The following COX10 variants were observed in gnomAD, a reference collection of about 807,000 sequenced individuals.
COX10 encodes the protein cytochrome c oxidase assembly factor heme A:farnesyltransferase COX10, also known as protoheme IX farnesyltransferase, mitochondrial.
In COX10, 27 loss-of-function variants were observed where a neutral mutation model predicts 37.3. That is an observed-to-expected ratio of 0.72 (90% CI 0.53 to 1.00). The LOEUF (loss-of-function observed/expected upper bound fraction) is 1.00, where lower values mean the gene tolerates loss of function less well. Among genes scored for constraint, COX10 ranks in the 50% least tolerant of loss-of-function variants. COX10 has a pLI of 0.00. For missense variants in COX10, 475 were observed against 563.2 expected, an observed-to-expected ratio of 0.84 and a Z score of 1.59; for synonymous variants, 222 against 229.1, an observed-to-expected ratio of 0.97 and a Z score of 0.28.
At chr17:14,148,054 T>A (rs529721885) in intron 4 of COX10, among the ~76,000 whole-genome samples, 3 of 151,892 alleles carry the variant, frequency 2.0e-5, no homozygotes, top group Non-Finnish European at 4.4e-5. Context: ...TAGGATGTGG[T>A]ACTTTGCCTC....
At chr17:14,153,341 G>A (rs185456553) in intron 4 of COX10, among the ~76,000 whole-genome samples, 26 of 152,252 alleles carry the variant, frequency 1.7e-4, no homozygotes, top group Non-Finnish European at 3.1e-4. Flanking sequence ...CAAGCTCCTT[G>A]ATATTGCATA....
At chr17:14,098,727 A>G (rs151089845) in intron 3 of COX10, among the ~76,000 whole-genome samples, 2 of 152,290 alleles carry the variant, frequency 1.3e-5, no homozygotes, top group African/African-American at 4.8e-5. Context: ...TACTGTTTTC[A>G]GAGTCAGTAA....
intron 3 of COX10, among the ~76,000 whole-genome samples, chr17:14,083,915 G>A (rs963934190): frequency 3.9e-5 from 6 of 152,118 alleles, no homozygotes; most frequent in African/African-American, 1.2e-4. Context: ...TTTTTCCTGA[G>A]TAACATCTGT....
In COX10 at chr17:14,078,527, C is replaced by T. The variant is rs142850845; in HGVS notation, c.499+1471C>T. Among the ~76,000 whole-genome samples the T allele has an allele frequency of 2.0e-5, 3 of 152,288 alleles. No homozygotes were observed. In the East Asian group the frequency reaches 5.8e-4, roughly 30 times the overall value. ...CTCCCCTTCATCTTGAGTCTAATTT[C>T]TGTCACCAGCAGAATCTTTTGTAAG... On this transcript the variant is annotated intron_variant, in intron 3 of 6. Coordinates refer to ENST00000261643, the MANE Select transcript of COX10 (RefSeq NM_001303.4).
At chr17:14,191,967 A>G (rs1906214069) in intron 5 of COX10, 22 bp from the exon 6 acceptor site, 3 of 1,612,408 alleles carry the variant, frequency 1.9e-6, no homozygotes, top group African/African-American at 1.3e-5. Context: ...TGATCACTCC[A>G]GGTTCTCTGC....
chr17:14,124,044 G>A (rs1916283033), intron 4 of COX10, among the ~76,000 whole-genome samples: 1 of 152,078 alleles, frequency 6.6e-6, no homozygotes, highest in South Asian at 2.1e-4. Flanking sequence ...TTGATTGCAT[G>A]GTGGTTAGTT....
At chr17:14,086,971 C>G (rs1039378033) in intron 3 of COX10, among the ~76,000 whole-genome samples, 1 of 152,186 alleles carries the variant, frequency 6.6e-6, no homozygotes, top group Admixed American at 6.5e-5. Flanking sequence ...TATTACATCT[C>G]ATGACTTTTA....
At chr17:14,124,464 T>C (rs1452070640) in intron 4 of COX10, among the ~76,000 whole-genome samples, 1 of 152,182 alleles carries the variant, frequency 6.6e-6, no homozygotes, top group Non-Finnish European at 1.5e-5. Flanking sequence ...TAGGTTATTT[T>C]TTCTTACTCT....
rs77696522 is a variant in COX10, at chr17:14,087,685, GT to G, written c.499+10645del. On this transcript the variant is annotated intron_variant, in intron 3 of 6. Transcript: ENST00000261643. ...AACGAGGGAACTTTTTCTCCGAAAGGTTTTTTTTTTTTTTTTAAACCATGTC... is the reference window on the plus strand; with the variant it reads ...AACGAGGGAACTTTTTCTCCGAAAGGTTTTTTTTTTTTTTTAAACCATGTC... Among the ~76,000 whole-genome samples, 646 of 140,626 alleles carry G rather than the reference GT, an allele frequency of 4.6e-3. 1 individual carries two copies. Among genetic ancestry groups the G allele is most frequent in the Non-Finnish European group, 4.4e-3 (280 of 63,856 alleles). The allele number at this position is 140,626 out of a possible 152,430, so 92.3% of individuals were successfully genotyped here.
In COX10 at chr17:14,137,869, TAGGTCATTA is replaced by T. The variant is rs199705231; in HGVS notation, c.625-22007_625-21999del. On this transcript the variant is annotated intron_variant, in intron 4 of 6. Transcript: ENST00000261643. ...TCCTGGTTTTTCTTTCCATGCAGAT[TAGGTCATTA>T]TTCAGATAGAGTTTTGTGATTCTGT... 9.8e-4 allele frequency among the ~76,000 whole-genome samples: 149 copies of T among 152,106 alleles called. No homozygotes were observed. The East Asian group carries it at 0.026, about 26-fold the overall frequency.
intron 4 of COX10, among the ~76,000 whole-genome samples, chr17:14,107,814 A>G (rs149173522): frequency 6.6e-6 from 1 of 152,214 alleles, no homozygotes; most frequent in East Asian, 1.9e-4. Flanking sequence ...TTGTCTCCTC[A>G]TTACTATGGT....
At chr17:14,199,893 C>A (rs1395666766) in intron 6 of COX10, among the ~76,000 whole-genome samples, 1 of 152,128 alleles carries the variant, frequency 6.6e-6, no homozygotes, top group East Asian at 1.9e-4. Context: ...CCCAGCTAGC[C>A]CCCAGTCTAC....
intron 4 of COX10, among the ~76,000 whole-genome samples, chr17:14,107,644 C>T (rs1212558086): frequency 1.3e-5 from 2 of 151,406 alleles, no homozygotes; most frequent in South Asian, 2.1e-4. Flanking sequence ...ACATCTTGCT[C>T]TACTGTCAGC....
intron 3 of COX10, among the ~76,000 whole-genome samples, chr17:14,088,364 T>C (rs981217482): frequency 5.3e-5 from 8 of 152,142 alleles, no homozygotes; most frequent in African/African-American, 1.9e-4. Flanking sequence ...CAATTTTCAT[T>C]TTTATTCCAT....
At chr17:14,102,030 T>A (rs1412885198) in intron 3 of COX10, 88 bp from the exon 4 acceptor site, 1 of 1,524,660 alleles carries the variant, frequency 6.6e-7, no homozygotes. Flanking sequence ...TTAGTTTATA[T>A]GAAGGATGGC....
rs116481325 is a variant in COX10 at position 14,078,058 on chromosome 17, G to A, written c.499+1002G>A. Among the ~76,000 whole-genome samples, 399 of 152,080 alleles carry A rather than the reference G, an allele frequency of 2.6e-3. 1 individual carries two copies. The highest frequency in any genetic ancestry group is 8.9e-3 in the African/African-American group (370 of 41,498). On this transcript the variant is annotated intron_variant, in intron 3 of 6. Transcript: ENST00000261643. ...TTTGAAGAAATGATGAATAGACACA[G>A]GGGCTTTGGTGAAGGAGCTAAAAAG...
At chr17:14,135,503 G>T (rs1904335338) in intron 4 of COX10, among the ~76,000 whole-genome samples, 1 of 151,852 alleles carries the variant, frequency 6.6e-6, no homozygotes, top group Non-Finnish European at 1.5e-5. Flanking sequence ...TGGGTCAGAA[G>T]TGAGACCCAG....
intron 4 of COX10, among the ~76,000 whole-genome samples, chr17:14,150,824 A>G (rs1407449330): frequency 6.6e-6 from 1 of 152,216 alleles, no homozygotes; most frequent in Non-Finnish European, 1.5e-5. Context: ...CCCTGACAGA[A>G]TTAGCTTGAC....
intron 5 of COX10, among the ~76,000 whole-genome samples, chr17:14,186,623 C>G (rs1384193469): frequency 6.6e-6 from 1 of 151,732 alleles, no homozygotes; most frequent in Admixed American, 6.6e-5. Flanking sequence ...CCACACCTGT[C>G]TTGCTCACCA....
Sources: gnomAD v4.1 joint callset for allele counts (sites outside exome capture counted in the v4.1 genomes callset) on GRCh38, gnomAD v4.1.1 for gene constraint, MANE v1.5 for transcripts, NCBI Gene and HGNC (gene_info 2026-07-23, HGNC 2026-07-21) for gene names.